Variants in SLC26A9 observed in about 807,000 individuals in gnomAD.
The protein encoded by SLC26A9 is solute carrier family 26 member 9.
A neutral mutation model predicts 87.1 loss-of-function variants in SLC26A9; 46 were observed. The ratio of observed to expected loss-of-function variants is 0.53; its 90% CI spans 0.42 to 0.67. SLC26A9 has a LOEUF of 0.67. Among genes scored for constraint, SLC26A9 ranks in the 30% least tolerant of loss-of-function variants. The pLI is 0.00. For synonymous variants in SLC26A9, 437 were observed against 409.1 expected, an observed-to-expected ratio of 1.07 and a Z score of -0.82; for missense variants, 927 against 1,018.3, an observed-to-expected ratio of 0.91 and a Z score of 1.22.
chr1:205,938,158 C>A (rs1299292994), intron 1 of SLC26A9, among the ~76,000 whole-genome samples: 1 of 151,918 alleles, frequency 6.6e-6, no homozygotes, highest in Admixed American at 6.6e-5. Context: ...TTTCTTCCTG[C>A]CACCCAGCCC....
chr1:205,915,533 T>C, intron 20 of SLC26A9, 129 bp from the exon 21 acceptor site: 32 of 1,189,014 alleles, frequency 2.7e-5, no homozygotes, highest in South Asian at 1.8e-4. Context: ...TGTGTGTGTG[T>C]GTGTGTGTGT....
rs199863728 is a variant in SLC26A9, at chr1:205,935,844, G to T, written c.-18-6C>A. Reference sequence around the variant, plus strand: ...ATATCTGGGGCATTTACAAGCTTTGGGAGAAGCAGAGGAGGGGAGGGTGAG... The same window carrying T: ...ATATCTGGGGCATTTACAAGCTTTGTGAGAAGCAGAGGAGGGGAGGGTGAG... On this transcript the variant is annotated splice_region_variant and splice_polypyrimidine_tract_variant and intron_variant, in intron 1 of 20. Coordinates refer to ENST00000367135, the MANE Select transcript of SLC26A9 (RefSeq NM_052934.4). The T allele has an allele frequency of 1.7e-4, 271 of 1,609,072 alleles. 1 individual carries two copies. The highest frequency in any genetic ancestry group is 2.5e-5 in the Non-Finnish European group (29 of 1,176,820).
chr1:205,942,889 A>C (rs994053664), intron 1 of SLC26A9, among the ~76,000 whole-genome samples: 1 of 152,198 alleles, frequency 6.6e-6, no homozygotes, highest in African/African-American at 2.4e-5. Flanking sequence ...GGAGAAGTAC[A>C]TGAGTGAAGG....
At chr1:205,941,938 G>A (rs989601771) in intron 1 of SLC26A9, among the ~76,000 whole-genome samples, 2 of 152,182 alleles carry the variant, frequency 1.3e-5, no homozygotes, top group African/African-American at 2.4e-5. Context: ...AAATCCAGGC[G>A]AAAGCCCAGA....
rs980314281 is a variant in SLC26A9 at position 205,928,179 on chromosome 1, C to G, written c.954-130G>C. On this transcript the variant is annotated intron_variant, in intron 8 of 20. Transcript: ENST00000367135. ...GGGATCTTTGCCTAAGTTATCCCAT[C>G]CAGTCTGAATCCTCAGCACCACCCC... The G allele has an allele frequency of 5.4e-5, 60 of 1,117,214 alleles. No individual in the cohort carries two copies. In the African/African-American group the frequency reaches 8.3e-4, roughly 16 times the overall value. The allele number at this position is 1,117,214 out of a possible 1,614,324, so 69.2% of individuals were successfully genotyped here. A position where few individuals can be genotyped will look rare whatever the true frequency, so the allele number is the denominator to read the frequency against.
chr1:205,932,645 C>T, intron 4 of SLC26A9, 57 bp downstream of exon 4: 1 of 1,422,116 alleles, frequency 7.0e-7, no homozygotes, highest in Non-Finnish European at 9.5e-7. Flanking sequence ...CCCTTTGCCA[C>T]ACCTCCCATC....
At chr1:205,922,040 G>T (rs1290384687) in intron 16 of SLC26A9, among the ~76,000 whole-genome samples, 193 bp from the exon 17 acceptor site, 1 of 152,150 alleles carries the variant, frequency 6.6e-6, no homozygotes, top group Non-Finnish European at 1.5e-5. Context: ...CTGCAAACTT[G>T]GTCTCCTACA....
chr1:205,934,119 T>A (rs962748400), intron 2 of SLC26A9, among the ~76,000 whole-genome samples: 2 of 152,164 alleles, frequency 1.3e-5, no homozygotes, highest in African/African-American at 4.8e-5. Context: ...TGACACTCGG[T>A]CCCCTGGATG....
intron 20 of SLC26A9, among the ~76,000 whole-genome samples, chr1:205,916,125 C>T (rs578050505): frequency 8.1e-4 from 124 of 152,308 alleles, no homozygotes; most frequent in African/African-American, 2.8e-3. Context: ...TTGAGACAGT[C>T]TAGCTCTGTC....
At chr1:205,938,924 C>A (rs1366536964) in intron 1 of SLC26A9, among the ~76,000 whole-genome samples, 1 of 152,208 alleles carries the variant, frequency 6.6e-6, no homozygotes, top group Non-Finnish European at 1.5e-5. Flanking sequence ...TGACTCAGGA[C>A]CAGCTCTGCC....
Position 205,915,299 on chromosome 1 carries a change from T to C in SLC26A9, c.*58A>G, listed in dbSNP as rs1658540328. The C allele has an allele frequency of 6.2e-7, 1 of 1,612,690 alleles. No homozygotes were observed. Among genetic ancestry groups the C allele is most frequent in the Non-Finnish European group, 8.5e-7 (1 of 1,179,268 alleles). On this transcript the variant is annotated 3_prime_UTR_variant, in exon 21 of 21. Coordinates refer to ENST00000367135, the MANE Select transcript of SLC26A9 (RefSeq NM_052934.4). ...ACCCCCTGTGACCCCAGGCTCATCC[T>C]TTATGGAAGTCCCAAGTGCCAGGCA...
chr1:205,925,361 C>G (rs972861340), intron 12 of SLC26A9, among the ~76,000 whole-genome samples: 1 of 152,194 alleles, frequency 6.6e-6, no homozygotes, highest in African/African-American at 2.4e-5. Flanking sequence ...TAGTTGCCCC[C>G]TATAGATTTT....
chr1:205,937,538 A>G (rs1206509928), intron 1 of SLC26A9, among the ~76,000 whole-genome samples: 3 of 152,226 alleles, frequency 2.0e-5, no homozygotes, highest in African/African-American at 4.8e-5. Context: ...GGCAGATGCT[A>G]TGAGGATTCA....
intron 2 of SLC26A9, among the ~76,000 whole-genome samples, 176 bp from the exon 3 acceptor site, chr1:205,933,260 C>CT (rs1438189170): frequency 6.6e-6 from 1 of 152,210 alleles, no homozygotes; most frequent in Non-Finnish European, 1.5e-5. Context: ...AGCTCATCAA[C>CT]TTGTCCTGGG....
intron 4 of SLC26A9, among the ~76,000 whole-genome samples, chr1:205,932,329 C>T (rs574067186): frequency 5.9e-5 from 9 of 152,208 alleles, no homozygotes; most frequent in Non-Finnish European, 1.3e-4. Flanking sequence ...AGGCTTTCCT[C>T]CATCTCACTT....
At chr1:205,927,822 G>T in intron 9 of SLC26A9, 80 bp downstream of exon 9, 2 of 1,565,370 alleles carry the variant, frequency 1.3e-6, no homozygotes, top group South Asian at 2.4e-5. Flanking sequence ...TCAGCCCAAT[G>T]ATCTCCCCAC....
intron 20 of SLC26A9, among the ~76,000 whole-genome samples, 156 bp downstream of exon 20, chr1:205,917,127 A>G (rs1378647153): frequency 1.3e-5 from 2 of 149,174 alleles, no homozygotes; most frequent in Non-Finnish European, 3.0e-5. Flanking sequence ...AAGGAAAAGA[A>G]AAAAAACAAA....
chr1:205,927,778 C>T, intron 9 of SLC26A9, 124 bp downstream of exon 9: 1 of 1,504,886 alleles, frequency 6.6e-7, no homozygotes, highest in Non-Finnish European at 9.0e-7. Flanking sequence ...CAGAGGACCC[C>T]CTATCCCCCA....
In SLC26A9 at chr1:205,917,355, C is replaced by T. The variant is rs1312580906; in HGVS notation, c.2257-1G>A. 2 of 1,613,864 alleles carry T rather than the reference C, an allele frequency of 1.2e-6. No homozygotes were observed. Among genetic ancestry groups the T allele is most frequent in the African/African-American group, 2.7e-5 (2 of 74,884 alleles). ...AGGAGAGCTCAGCATCCCCTGGAGC[C>T]TGGAAGGGAGGAAGCCAGTGCAGAA... On this transcript the variant is annotated splice_acceptor_variant, in intron 19 of 20. Coordinates refer to ENST00000367135, the MANE Select transcript of SLC26A9 (RefSeq NM_052934.4). LOFTEE classifies it high-confidence loss of function.
Sources: allele counts gnomAD v4.1 joint callset (sites outside exome capture counted in the v4.1 genomes callset), GRCh38; gene constraint gnomAD v4.1.1; transcripts MANE v1.5; gene names NCBI Gene and HGNC (gene_info 2026-07-23, HGNC 2026-07-21).